CCDC102B: variants seen among roughly 807,000 people sequenced by gnomAD.
CCDC102B encodes coiled-coil domain containing 102B.
CCDC102B carries 75 observed loss-of-function variants against 57.4 expected under a neutral mutation model. The ratio of observed to expected loss-of-function variants is 1.31; its 90% CI spans 1.08 to 1.58. The LOEUF is 1.58. CCDC102B is among the 40% of genes most tolerant of loss of function. The pLI is 0.00. For synonymous variants in CCDC102B, 206 were observed against 201.9 expected, an observed-to-expected ratio of 1.02 and a Z score of -0.17; for missense variants, 636 against 582.6, an observed-to-expected ratio of 1.09 and a Z score of -0.94.
chr18:68,827,708 G>A (rs2036961941), intron 1 of CCDC102B, among the ~76,000 whole-genome samples: 1 of 151,838 alleles, frequency 6.6e-6, no homozygotes, highest in Admixed American at 6.6e-5. Context: ...AGATTGGCAG[G>A]GTGAATAAAA....
intron 4 of CCDC102B, among the ~76,000 whole-genome samples, chr18:68,854,244 G>A (rs1420666400): frequency 1.3e-5 from 2 of 151,874 alleles, no homozygotes; most frequent in Non-Finnish European, 2.9e-5. Flanking sequence ...GGGATTACAG[G>A]TGCCCGCCAC....
chr18:68,966,375 C>T lies in CCDC102B; in HGVS notation c.1264-44559C>T, dbSNP rs560322086. Among the ~76,000 whole-genome samples the T allele has an allele frequency of 2.0e-5, 3 of 152,184 alleles. No homozygotes were observed. In the East Asian group the frequency reaches 5.8e-4, roughly 29 times the overall value. ...GTTAAGAGCTGGGCAAGTTGTATGG[C>T]ACAGTAGATACAGAAGTAAATACAT... On this transcript the variant is annotated intron_variant, in intron 6 of 7. Transcript: ENST00000360242.
At position 68,876,449 on chromosome 18, in the gene CCDC102B, G is replaced by A. The variant is rs140333275; in HGVS notation, c.1053+1664G>A. ...TGAAATACAAGATATTTTATTTACT[G>A]ACATAGTTAAATAGCATTATCTTTG... On this transcript the variant is annotated intron_variant, in intron 5 of 7. Transcript: ENST00000360242. Among the ~76,000 whole-genome samples, 501 of 152,258 alleles carry A rather than the reference G, an allele frequency of 3.3e-3. 2 individuals are homozygous for A. Among genetic ancestry groups the A allele is most frequent in the Non-Finnish European group, 5.4e-3 (365 of 68,016 alleles).
chr18:68,965,805 TGAA>T (rs1374070499), intron 6 of CCDC102B, among the ~76,000 whole-genome samples: 1 of 152,160 alleles, frequency 6.6e-6, no homozygotes, highest in Non-Finnish European at 1.5e-5. Context: ...TACTATGTGA[TGAA>T]ATCTGGATCA....
chr18:69,008,804 C>A (rs535611818), intron 6 of CCDC102B, among the ~76,000 whole-genome samples: 1 of 152,306 alleles, frequency 6.6e-6, no homozygotes, highest in Admixed American at 6.5e-5. Flanking sequence ...CGCTTTATAT[C>A]AGCTTGTTTC....
chr18:69,003,025 T>G (rs2051247178), intron 6 of CCDC102B, among the ~76,000 whole-genome samples: 1 of 152,188 alleles, frequency 6.6e-6, no homozygotes, highest in South Asian at 2.1e-4. Flanking sequence ...TTCCAGTCTT[T>G]CACTTTCTAA....
intron 6 of CCDC102B, among the ~76,000 whole-genome samples, chr18:68,950,569 G>T (rs528902629): frequency 2.2e-4 from 33 of 152,068 alleles, no homozygotes; most frequent in African/African-American, 8.0e-4. Flanking sequence ...CTTTTCTAAA[G>T]TGTCTATTAT....
At chr18:69,043,927 T>A (rs2145480517) in intron 7 of CCDC102B, among the ~76,000 whole-genome samples, 1 of 152,220 alleles carries the variant, frequency 6.6e-6, no homozygotes, top group East Asian at 1.9e-4. Flanking sequence ...GAAGTGGAAA[T>A]AAATTGCATG....
chr18:68,837,478 T>C (rs569403), intron 2 of CCDC102B, 109 bp downstream of exon 2: 1,000,461 of 1,007,150 alleles, frequency 0.99, 497,181 homozygotes, highest in East Asian at 1. Flanking sequence ...CTGCCAGGGC[T>C]ACCATAACAA....
intron 4 of CCDC102B, among the ~76,000 whole-genome samples, chr18:68,847,435 C>T (rs1333158627): frequency 4.0e-5 from 6 of 151,780 alleles, no homozygotes; most frequent in African/African-American, 1.2e-4. Flanking sequence ...AAAAAGAATG[C>T]ATTTACTACC....
At chr18:68,919,866 T>A (rs893843811) in intron 6 of CCDC102B, among the ~76,000 whole-genome samples, 1 of 152,212 alleles carries the variant, frequency 6.6e-6, no homozygotes, top group African/African-American at 2.4e-5. Flanking sequence ...TCTTTTTTAA[T>A]AACCCAGTCA....
intron 6 of CCDC102B, among the ~76,000 whole-genome samples, chr18:68,957,494 T>A (rs2049931086): frequency 6.6e-6 from 1 of 151,958 alleles, no homozygotes; most frequent in South Asian, 2.1e-4. Flanking sequence ...ATGTCAGTAC[T>A]GTAGTATTTT....
At chr18:68,924,562 A>G (rs1324819228) in intron 6 of CCDC102B, among the ~76,000 whole-genome samples, 3 of 152,074 alleles carry the variant, frequency 2.0e-5, no homozygotes, top group Non-Finnish European at 4.4e-5. Flanking sequence ...ATGAAAATGG[A>G]CTAATAAACA....
intron 6 of CCDC102B, among the ~76,000 whole-genome samples, chr18:69,006,562 C>T (rs1025527791): frequency 2.0e-5 from 3 of 149,076 alleles, no homozygotes; most frequent in African/African-American, 7.5e-5. Context: ...GTTGGGACTA[C>T]AGGCACATGC....
rs1491268222 is a variant in CCDC102B, at chr18:68,956,597, ATT to A, written c.1264-54336_1264-54335del. The stretch of plus-strand genomic sequence containing the variant: ...TTATATATATAAATATTATATATAT[ATT>A]ATATATATATAAAATATATAATATA... On this transcript the variant is annotated intron_variant, in intron 6 of 7. Transcript: ENST00000360242. 3.8e-5 allele frequency among the ~76,000 whole-genome samples: 2 copies of A among 52,870 alleles called. 1 individual carries two copies. Among genetic ancestry groups the A allele is most frequent in the African/African-American group, 1.6e-4 (2 of 12,738 alleles). 34.7% of individuals were successfully genotyped at this position (52,870 alleles called of 152,430 possible).
chr18:68,917,430 G>A (rs1025628858), intron 6 of CCDC102B, among the ~76,000 whole-genome samples: 2 of 152,132 alleles, frequency 1.3e-5, no homozygotes, highest in Non-Finnish European at 2.9e-5. Context: ...GGAGTCTTGC[G>A]ATCTCTGAAA....
rs2041162332 is a variant in CCDC102B at position 68,918,623 on chromosome 18, G to A, written c.1263+21195G>A. ...ATTACTTGGAATTAAATCAGAAAGA[G>A]AGAGAGGGAACATGTCAAGAAACCT... is the stretch of plus-strand genomic sequence containing the variant. On this transcript the variant is annotated intron_variant, in intron 6 of 7. Coordinates refer to ENST00000360242, the MANE Select transcript of CCDC102B (RefSeq NM_024781.3). Among the ~76,000 whole-genome samples the A allele has an allele frequency of 2.0e-5, 3 of 152,194 alleles. No individual in the cohort carries two copies. In the South Asian group the frequency reaches 6.2e-4, roughly 31 times the overall value.
intron 5 of CCDC102B, among the ~76,000 whole-genome samples, chr18:68,877,613 T>C (rs908661269): frequency 1.3e-5 from 2 of 152,220 alleles, no homozygotes; most frequent in African/African-American, 4.8e-5. Context: ...TTGCTAACAC[T>C]CTTACAGTTG....
exon 1 of CCDC102B, chr18:68,715,277 G>C: frequency 7.7e-7 from 1 of 1,290,842 alleles, no homozygotes; most frequent in Non-Finnish European, 9.9e-7. Context: ...CCCTGCTTAA[G>C]GGCTTTACTA....
Sources: allele counts gnomAD v4.1 joint callset (sites outside exome capture counted in the v4.1 genomes callset), GRCh38; gene constraint gnomAD v4.1.1; transcripts MANE v1.5; gene names NCBI Gene and HGNC (gene_info 2026-07-23, HGNC 2026-07-21).